The following RTL10 variants were observed in gnomAD, a reference collection of about 807,000 sequenced individuals.
The protein encoded by RTL10 is retrotransposon Gag like 10.
For missense variants in RTL10, 477 were observed against 470.7 expected, an observed-to-expected ratio of 1.01 and a Z score of -0.12; for synonymous variants, 199 against 188.4, an observed-to-expected ratio of 1.06 and a Z score of -0.46.
In RTL10 at chr22:19,848,346, G is replaced by T; in HGVS notation, c.*2821C>A. On this transcript the variant is annotated 3_prime_UTR_variant, in exon 3 of 3. Coordinates refer to ENST00000328554, the MANE Select transcript of RTL10 (RefSeq NM_024627.6). ...TGCAGCTCCTGAGCACCCTGCCTTC[G>T]GGTCTGCCAGTGTGTGGGGGCCAGA... The T allele has an allele frequency of 1.0e-6, 1 of 985,458 alleles. No individual in the cohort carries two copies. Among genetic ancestry groups the T allele is most frequent in the Non-Finnish European group, 1.2e-6 (1 of 829,978 alleles). 61.0% of individuals were successfully genotyped at this position (985,458 alleles called of 1,614,324 possible).
At position 19,847,693 on chromosome 22, in the gene RTL10, C is replaced by T. The variant is rs537966586; in HGVS notation, c.*3474G>A. 86 of 983,554 alleles carry T rather than the reference C, an allele frequency of 8.7e-5. No homozygotes were observed. Among genetic ancestry groups the T allele is most frequent in the Non-Finnish European group, 9.5e-5 (79 of 829,678 alleles). 60.9% of individuals were successfully genotyped at this position (983,554 alleles called of 1,614,324 possible). ...AGCATGCATGTGCCTAGAATTGTTA[C>T]GTGGTCAAATTATATTATTGTGTAT... is the stretch of plus-strand genomic sequence containing the variant. On this transcript the variant is annotated 3_prime_UTR_variant, in exon 3 of 3. Coordinates refer to ENST00000328554, the MANE Select transcript of RTL10 (RefSeq NM_024627.6).
At position 19,851,291 on chromosome 22, in the gene RTL10, G is replaced by A. The variant is rs1381539218; in HGVS notation, c.971C>T (p.Pro324Leu). 1.2e-6 allele frequency: 2 copies of A among 1,613,800 alleles called. No homozygotes were observed. Among genetic ancestry groups the A allele is most frequent in the Non-Finnish European group, 1.7e-6 (2 of 1,179,838 alleles). Residue 324 changes from proline to leucine, a missense_variant, in exon 3 of 3, where the codon CCC (proline) becomes CTC (leucine). By Grantham distance (98) the Pro-to-Leu change is moderately conservative (BLOSUM62 -3). Transcript: ENST00000328554. Reference sequence around the variant, plus strand: ...CAAAACCTCCTCCTCTGTTTTCTGGGGTTTTGGACCTCCTGGATGAGCTGG... The same window carrying A: ...CAAAACCTCCTCCTCTGTTTTCTGGAGTTTTGGACCTCCTGGATGAGCTGG... ...PDPAHPGGPK[P>L]QKTEEEVLET...
chr22:19,850,567 C>T lies in RTL10; in HGVS notation c.*600G>A. On this transcript the variant is annotated 3_prime_UTR_variant, in exon 3 of 3. Transcript: ENST00000328554. Reference sequence around the variant, plus strand: ...ATCCAAACCTTCCAGCTGCCCAGAACTGCTGGTAATCCCACAGGAAACATC... The same window carrying T: ...ATCCAAACCTTCCAGCTGCCCAGAATTGCTGGTAATCCCACAGGAAACATC... 1 of 1,137,034 alleles carries T rather than the reference C, an allele frequency of 8.8e-7. No individual in the cohort carries two copies. The highest frequency in any genetic ancestry group is 1.1e-6 in the Non-Finnish European group (1 of 927,854). The allele number at this position is 1,137,034 out of a possible 1,614,324, so 70.4% of individuals were successfully genotyped here.
intron 2 of RTL10, among the ~76,000 whole-genome samples, chr22:19,853,554 G>T (rs1938160892): frequency 6.6e-6 from 1 of 152,160 alleles, no homozygotes; most frequent in South Asian, 2.1e-4. Context: ...CACAAGGCCT[G>T]CACACACCTT....
Position 19,852,395 on chromosome 22 carries a change from A to C in RTL10, c.-134T>G. 1.1e-6 allele frequency: 1 copy of C among 925,126 alleles called. No homozygotes were observed. Among genetic ancestry groups the C allele is most frequent in the Non-Finnish European group, 1.6e-6 (1 of 609,366 alleles). The allele number at this position is 925,126 out of a possible 1,614,324, so 57.3% of individuals were successfully genotyped here. A position where few individuals can be genotyped will look rare whatever the true frequency, so the allele number is the denominator to read the frequency against. On this transcript the variant is annotated 5_prime_UTR_variant, in exon 3 of 3. Coordinates refer to ENST00000328554, the MANE Select transcript of RTL10 (RefSeq NM_024627.6). ...TGGCAGACCCGCACTGGTCCAGGCA[A>C]GTGCTGAGGATCAGGGAGCTGACAG... is the stretch of plus-strand genomic sequence containing the variant.
rs1938009450 is a variant in RTL10 at position 19,848,131 on chromosome 22, T to C, written c.*3036A>G. On this transcript the variant is annotated 3_prime_UTR_variant, in exon 3 of 3. Coordinates refer to ENST00000328554, the MANE Select transcript of RTL10 (RefSeq NM_024627.6). ...TCCCATAGGACCTTATCCTTAGTACTTCCTATTTTAAAGTTTTCCTTGCAG... is the reference window on the plus strand; with the variant it reads ...TCCCATAGGACCTTATCCTTAGTACCTCCTATTTTAAAGTTTTCCTTGCAG... 4.1e-6 allele frequency: 4 copies of C among 984,372 alleles called. No individual in the cohort carries two copies. The highest frequency in any genetic ancestry group is 1.8e-5 in the African/African-American group (1 of 56,724). 61.0% of individuals were successfully genotyped at this position (984,372 alleles called of 1,614,324 possible).
rs1372590344 is a variant in RTL10 at position 19,846,928 on chromosome 22, C to G, written c.*4239G>C. 2.4e-5 allele frequency: 24 copies of G among 985,294 alleles called. No homozygotes were observed. Among genetic ancestry groups the G allele is most frequent in the Non-Finnish European group, 2.5e-5 (21 of 829,906 alleles). 61.0% of individuals were successfully genotyped at this position (985,294 alleles called of 1,614,324 possible). On this transcript the variant is annotated 3_prime_UTR_variant, in exon 3 of 3. Transcript: ENST00000328554. ...CCCCAGCAGACAAACAGGTATGTTG[C>G]CCTGGGATGGATGCAGGCCCCTCCC...
chr22:19,851,547 C>T lies in RTL10; in HGVS notation c.715G>A (p.Ala239Thr). The change falls in exon 3 of 3, where the codon GCC (alanine) becomes ACC (threonine). Residue 239 changes from alanine (A) to threonine (T), a missense_variant. Physicochemically the swap from Ala to Thr is moderately conservative, Grantham distance 58. Transcript: ENST00000328554. ...TTGGACCCAGACACAGCAGGGGTGG[C>T]CATGGCGGCTGGTAAAGACCTGGGG... ...TAPRSLPAAM[A>T]TPAVSGSNSV... 1 of 1,613,166 alleles carries T rather than the reference C, an allele frequency of 6.2e-7. No individual in the cohort carries two copies. Among genetic ancestry groups the T allele is most frequent in the Non-Finnish European group, 8.5e-7 (1 of 1,179,374 alleles).
Position 19,849,899 on chromosome 22 carries a change from T to C in RTL10, c.*1268A>G, listed in dbSNP as rs1050986274. 3.0e-6 allele frequency: 3 copies of C among 985,354 alleles called. No homozygotes were observed. The African/African-American group carries it at 5.2e-5, about 17-fold the overall frequency. The allele number at this position is 985,354 out of a possible 1,614,324, so 61.0% of individuals were successfully genotyped here. A position where few individuals can be genotyped will look rare whatever the true frequency, so the allele number is the denominator to read the frequency against. On this transcript the variant is annotated 3_prime_UTR_variant, in exon 3 of 3. Transcript: ENST00000328554. The stretch of plus-strand genomic sequence containing the variant: ...CTGCCTATCCTGTGGTAAACTTGGC[T>C]CCAGGAGCTTCCAAGCTCAGCTTCC...
chr22:19,850,165 T>C lies in RTL10; in HGVS notation c.*1002A>G, dbSNP rs765808761. 40 of 985,408 alleles carry C rather than the reference T, an allele frequency of 4.1e-5. No homozygotes were observed. Among genetic ancestry groups the C allele is most frequent in the Non-Finnish European group, 4.8e-5 (40 of 830,062 alleles). The allele number at this position is 985,408 out of a possible 1,614,324, so 61.0% of individuals were successfully genotyped here. Reference sequence around the variant, plus strand: ...CTGCAATGCTGACCTGGAATGCTCATGGCCAGGCCTCTGCTCCTGACAGAA... The same window carrying C: ...CTGCAATGCTGACCTGGAATGCTCACGGCCAGGCCTCTGCTCCTGACAGAA... On this transcript the variant is annotated 3_prime_UTR_variant, in exon 3 of 3. Coordinates refer to ENST00000328554, the MANE Select transcript of RTL10 (RefSeq NM_024627.6).
Position 19,852,438 on chromosome 22 carries a change from C to T in RTL10, c.-177G>A, listed in dbSNP as rs949819180. 9.5e-6 allele frequency: 6 copies of T among 633,390 alleles called. No individual in the cohort carries two copies. Among genetic ancestry groups the T allele is most frequent in the Admixed American group, 9.2e-5 (3 of 32,548 alleles). 39.2% of individuals were successfully genotyped at this position (633,390 alleles called of 1,614,324 possible). On this transcript the variant is annotated 5_prime_UTR_variant, in exon 3 of 3. Transcript: ENST00000328554. ...GCTGACAGCTGCAGCCTCAGGAGAGCTGAGAAGAGCTGAGAGACTGTCAGT... is the reference window on the plus strand; with the variant it reads ...GCTGACAGCTGCAGCCTCAGGAGAGTTGAGAAGAGCTGAGAGACTGTCAGT...
Position 19,849,032 on chromosome 22 carries a change from G to A in RTL10, c.*2135C>T. On this transcript the variant is annotated 3_prime_UTR_variant, in exon 3 of 3. Coordinates refer to ENST00000328554, the MANE Select transcript of RTL10 (RefSeq NM_024627.6). ...GTCTGACCCAACCCACAAAAGGGGG[G>A]ATGGGGCCTGAGTCATCGGACGGAG... 4.1e-6 allele frequency: 4 copies of A among 985,472 alleles called. No individual in the cohort carries two copies. Among genetic ancestry groups the A allele is most frequent in the Non-Finnish European group, 4.8e-6 (4 of 829,946 alleles). 61.0% of individuals were successfully genotyped at this position (985,472 alleles called of 1,614,324 possible). A position where few individuals can be genotyped will look rare whatever the true frequency, so the allele number is the denominator to read the frequency against.
chr22:19,851,711 C>G lies in RTL10; in HGVS notation c.551G>C (p.Ser184Thr). 3 of 1,602,546 alleles carry G rather than the reference C, an allele frequency of 1.9e-6. No homozygotes were observed. Among genetic ancestry groups the G allele is most frequent in the South Asian group, 1.1e-5 (1 of 90,162 alleles). Residue 184 changes from serine to threonine, a missense_variant, in exon 3 of 3, where the codon AGT becomes ACT. Ser to Thr is a moderately conservative substitution (Grantham distance 58). Transcript: ENST00000328554. The stretch of plus-strand genomic sequence containing the variant: ...AACCACAGCATGGTACTCAGCAAAA[C>G]TGTTCGGGTCTTGAACAACTTCCTT... ...DLKEVVQDPN[S>T]FAEYHAVVTC...
At position 19,850,755 on chromosome 22, in the gene RTL10, C is replaced by A. The variant is rs777174991; in HGVS notation, c.*412G>T. The stretch of plus-strand genomic sequence containing the variant: ...ACCCCATACAGGAACGAGGTCCCAA[C>A]AGGGCAGACGTGGCAGACCCAGTTC... On this transcript the variant is annotated 3_prime_UTR_variant, in exon 3 of 3. Coordinates refer to ENST00000328554, the MANE Select transcript of RTL10 (RefSeq NM_024627.6). 18 of 1,244,814 alleles carry A rather than the reference C, an allele frequency of 1.4e-5. No homozygotes were observed. In the South Asian group the frequency reaches 4.8e-4, roughly 33 times the overall value. The allele number at this position is 1,244,814 out of a possible 1,614,324, so 77.1% of individuals were successfully genotyped here. A position where few individuals can be genotyped will look rare whatever the true frequency, so the allele number is the denominator to read the frequency against.
In RTL10 at chr22:19,852,007, G is replaced by C. The variant is rs1310142661; in HGVS notation, c.255C>G (p.His85Gln). ...KPAERGPLAG[H>Q]MPSSRPHRVD... is the part of the protein sequence containing the mutation. ...CCCTGTGGGGTCGGGAGCTGGGCAT[G>C]TGCCCAGCTAGGGGACCCCTTTCTG... is the stretch of plus-strand genomic sequence containing the variant. Residue 85 changes from histidine (H) to glutamine (Q), a missense_variant, in exon 3 of 3, where the codon CAC (histidine) becomes CAG (glutamine). His to Gln is a conservative substitution (Grantham distance 24). Transcript: ENST00000328554. The C allele has an allele frequency of 1.2e-6, 2 of 1,614,048 alleles. No individual in the cohort carries two copies. The highest frequency in any genetic ancestry group is 2.2e-5 in the East Asian group (1 of 44,898).
rs1343336221 is a variant in RTL10 at position 19,852,306 on chromosome 22, T to A, written c.-45A>T. The A allele has an allele frequency of 1.9e-6, 3 of 1,561,126 alleles. No homozygotes were observed. The highest frequency in any genetic ancestry group is 2.6e-6 in the Non-Finnish European group (3 of 1,150,772). On this transcript the variant is annotated 5_prime_UTR_variant, in exon 3 of 3. Transcript: ENST00000328554. ...AGAGAGGAGAGCCAGCACTGGTGGG[T>A]GGTGGGGGTGTGGACAGATGTGGCT...
Position 19,847,024 on chromosome 22 carries a change from C to T in RTL10, c.*4143G>A, listed in dbSNP as rs562330719. On this transcript the variant is annotated 3_prime_UTR_variant, in exon 3 of 3. Coordinates refer to ENST00000328554, the MANE Select transcript of RTL10 (RefSeq NM_024627.6). Reference sequence around the variant, plus strand: ...TGCTTGTACTTCTCCATACTGAGCACCCCAGCCCATAGGATGATCAGCTGC... The same window carrying T: ...TGCTTGTACTTCTCCATACTGAGCATCCCAGCCCATAGGATGATCAGCTGC... The T allele has an allele frequency of 8.2e-4, 810 of 985,482 alleles. No homozygotes were observed. The highest frequency in any genetic ancestry group is 8.9e-4 in the Non-Finnish European group (737 of 829,956). 61.0% of individuals were successfully genotyped at this position (985,482 alleles called of 1,614,324 possible). A position where few individuals can be genotyped will look rare whatever the true frequency, so the allele number is the denominator to read the frequency against.
Position 19,851,635 on chromosome 22 carries a change from C to G in RTL10, c.627G>C (p.Leu209=). 1 of 1,593,880 alleles carries G rather than the reference C, an allele frequency of 6.3e-7. No homozygotes were observed. The highest frequency in any genetic ancestry group is 1.1e-5 in the South Asian group (1 of 88,376). The stretch of plus-strand genomic sequence containing the variant: ...TAGCTAAGTATTGCCTCACCACAGG[C>G]AGCTGAGGGGCCACTGGCAGCTGGC... ...ASSQLPVAPQ[L]PVVRQYLARF... Residue 209 remains leucine (L), a synonymous_variant, in exon 3 of 3, where the codon CTG becomes CTC. Transcript: ENST00000328554.
chr22:19,851,148 G>C lies in RTL10; in HGVS notation c.*19C>G. On this transcript the variant is annotated 3_prime_UTR_variant, in exon 3 of 3. Coordinates refer to ENST00000328554, the MANE Select transcript of RTL10 (RefSeq NM_024627.6). The stretch of plus-strand genomic sequence containing the variant: ...CCACTTCATCATGAGGGGCAGCATT[G>C]TTCCCACCTGGGCTGTGTTCAGAAC... 6.4e-7 allele frequency: 1 copy of C among 1,571,528 alleles called. No individual in the cohort carries two copies. The highest frequency in any genetic ancestry group is 1.3e-5 in the African/African-American group (1 of 74,118).
Sources: allele counts gnomAD v4.1 joint callset (sites outside exome capture counted in the v4.1 genomes callset), GRCh38; gene constraint gnomAD v4.1.1; transcripts MANE v1.5; gene names NCBI Gene and HGNC (gene_info 2026-07-23, HGNC 2026-07-21).